The following SOX6 variants were observed in gnomAD, a reference collection of about 807,000 sequenced individuals.
SOX6 encodes SRY-box transcription factor 6, also known as transcription factor SOX-6.
Under a neutral mutation model 97.8 loss-of-function variants are expected in SOX6, and 11 were observed. That is an observed-to-expected ratio of 0.11 (90% confidence interval 0.07 to 0.19). The LOEUF is 0.19. SOX6 is among the 10% of genes least tolerant of loss of function. The pLI is 1.00. For missense variants in SOX6, 810 were observed against 1,039.5 expected (o/e 0.78, Z 3.04); for synonymous variants, 360 against 371.4 (o/e 0.97, Z 0.35).
At chr11:16,182,371 T>C (rs1044683196) in intron 6 of SOX6, among the ~76,000 whole-genome samples, 1 of 151,842 alleles carries the variant, frequency 6.6e-6, no homozygotes, top group African/African-American at 2.4e-5. Flanking sequence ...AACGATCATG[T>C]TATTTAACAC....
intron 3 of SOX6, among the ~76,000 whole-genome samples, chr11:16,681,950 T>C (rs1460844750): frequency 6.6e-6 from 1 of 152,222 alleles, no homozygotes; most frequent in African/African-American, 2.4e-5. Flanking sequence ...TAACAGGTTC[T>C]GAAATTGAGG....
intron 6 of SOX6, among the ~76,000 whole-genome samples, chr11:16,175,846 T>C (rs2134090582): frequency 6.6e-6 from 1 of 152,040 alleles, no homozygotes; most frequent in Admixed American, 6.6e-5. Context: ...CTGATGTCTA[T>C]ACAATTTTAG....
chr11:16,093,044 T>C (rs1848724756), intron 9 of SOX6, among the ~76,000 whole-genome samples: 1 of 152,026 alleles, frequency 6.6e-6, no homozygotes, highest in African/African-American at 2.4e-5. Context: ...CAACTGGTCC[T>C]GAAATTTATA....
At chr11:16,672,658 G>C (rs114714512) in intron 3 of SOX6, among the ~76,000 whole-genome samples, 1,691 of 152,190 alleles carry the variant, frequency 0.011, 24 homozygotes, top group African/African-American at 0.039. Context: ...CTCCCACCAG[G>C]TTCCTCCCAT....
intron 3 of SOX6, among the ~76,000 whole-genome samples, chr11:16,683,816 A>G (rs139207557): frequency 0.017 from 2,643 of 152,228 alleles, 55 homozygotes; most frequent in African/African-American, 0.06. Flanking sequence ...GAATGGGAGA[A>G]AATTTTTGCA....
chr11:15,989,182 CAAT>C lies in SOX6; in HGVS notation c.1778_1780del (p.Tyr593del). 4.3e-6 allele frequency: 7 copies of C among 1,613,918 alleles called. No homozygotes were observed. The highest frequency in any genetic ancestry group is 5.9e-6 in the Non-Finnish European group (7 of 1,179,846). On this transcript the variant is annotated inframe_deletion, in exon 14 of 16. Transcript: ENST00000683767. ...CACAGTGGCACCTCCTGTTGGCCAA[CAAT>C]AATACTGCTGTAGTTTAGCTGCAGA...
chr11:16,226,857 G>C (rs1402889274), intron 4 of SOX6, among the ~76,000 whole-genome samples: 1 of 152,250 alleles, frequency 6.6e-6, no homozygotes, highest in East Asian at 1.9e-4. Context: ...GGTAAAAGTG[G>C]AGTTATTTTA....
At chr11:16,429,190 G>C (rs561509375) in intron 1 of SOX6, among the ~76,000 whole-genome samples, 1 of 152,198 alleles carries the variant, frequency 6.6e-6, no homozygotes, top group African/African-American at 2.4e-5. Context: ...TATTGGCGAA[G>C]TTGTGGAGAA....
At chr11:16,524,162 A>G (rs1411277466) in intron 4 of SOX6, among the ~76,000 whole-genome samples, 2 of 152,212 alleles carry the variant, frequency 1.3e-5, no homozygotes, top group Non-Finnish European at 2.9e-5. Context: ...AAAGTCGGGC[A>G]GAGACACAAA....
chr11:16,034,907 T>G (rs1470207523), intron 12 of SOX6, among the ~76,000 whole-genome samples: 1 of 152,016 alleles, frequency 6.6e-6, no homozygotes, highest in African/African-American at 2.4e-5. Context: ...ACACTACAGA[T>G]GCATAGTCGG....
chr11:16,131,733 T>G (rs750194815), intron 6 of SOX6, among the ~76,000 whole-genome samples: 42 of 152,036 alleles, frequency 2.8e-4, no homozygotes, highest in Non-Finnish European at 5.4e-4. Flanking sequence ...GGAATACTAC[T>G]TAGCAATGTA....
chr11:16,719,477 G>A (rs1201206612), intron 2 of SOX6, among the ~76,000 whole-genome samples: 1 of 152,134 alleles, frequency 6.6e-6, no homozygotes, highest in African/African-American at 2.4e-5. Flanking sequence ...AGTTTTGCCT[G>A]CTTCCAAGTC....
chr11:16,489,929 T>C (rs565266113), intron 4 of SOX6, among the ~76,000 whole-genome samples: 1 of 152,234 alleles, frequency 6.6e-6, no homozygotes, highest in South Asian at 2.1e-4. Flanking sequence ...TTAATTTCTC[T>C]GCACCTTAGT....
At chr11:16,591,324 T>TAGATAGATAGATAGAC (rs1554976546) in intron 4 of SOX6, among the ~76,000 whole-genome samples, 4 of 73,448 alleles carry the variant, frequency 5.4e-5, no homozygotes, top group Admixed American at 1.4e-4. Context: ...GATACATAGA[T>TAGATAGATAGATAGAC]AGATAGATAG....
chr11:16,010,307 A>G (rs1008340038), intron 13 of SOX6, among the ~76,000 whole-genome samples: 8 of 151,982 alleles, frequency 5.3e-5, no homozygotes, highest in African/African-American at 1.9e-4. Context: ...ACACATATCT[A>G]TTTCCATTTG....
intron 1 of SOX6, among the ~76,000 whole-genome samples, chr11:16,363,027 T>C (rs1857249226): frequency 6.6e-6 from 1 of 152,206 alleles, no homozygotes; most frequent in African/African-American, 2.4e-5. Flanking sequence ...GGTAAATACA[T>C]ATATGTATAT....
At chr11:16,434,550 A>C (rs537384591) in intron 1 of SOX6, 1 of 152,206 alleles carries the variant, frequency 6.6e-6, no homozygotes, top group South Asian at 2.1e-4. Context: ...CTCTCATAGC[A>C]CTTTATATAG....
chr11:16,701,855 C>A (rs1180718027), intron 3 of SOX6, among the ~76,000 whole-genome samples: 2 of 151,308 alleles, frequency 1.3e-5, no homozygotes, highest in Admixed American at 6.6e-5. Flanking sequence ...AATTGCGCCA[C>A]TGCACTCCAG....
At chr11:16,377,812 A>T (rs1177726685) in intron 1 of SOX6, among the ~76,000 whole-genome samples, 1 of 152,188 alleles carries the variant, frequency 6.6e-6, no homozygotes, top group African/African-American at 2.4e-5. Flanking sequence ...TTTAAAAAGT[A>T]AAAATGTTTC....
Sources: gnomAD v4.1 joint callset for allele counts (sites outside exome capture counted in the v4.1 genomes callset) on GRCh38, gnomAD v4.1.1 for gene constraint, MANE v1.5 for transcripts, NCBI Gene and HGNC (gene_info 2026-07-23, HGNC 2026-07-21) for gene names.